ZNF248: variants seen among roughly 807,000 people sequenced by gnomAD.
The protein encoded by ZNF248 is KRAB protein domain.
Under a neutral mutation model 44.3 loss-of-function variants are expected in ZNF248, and 20 were observed. That is an observed-to-expected ratio of 0.45 (90% CI 0.32 to 0.66). The LOEUF is 0.66. Ranked by LOEUF, ZNF248 falls within the 30% of genes least tolerant of loss-of-function variation. The pLI is 0.04. For synonymous variants in ZNF248, 224 were observed against 229.0 expected (o/e 0.98, Z 0.20); for missense variants, 654 against 677.0 (o/e 0.97, Z 0.38).
At chr10:37,759,443 C>T in the ZNF248 span, among the ~76,000 whole-genome samples, 1 of 152,124 alleles carries the variant, frequency 6.6e-6, no homozygotes, top group Non-Finnish European at 1.5e-5. Context: ...TTATGAAACC[C>T]CTTAATGTGT....
chr10:37,819,259 G>C, intron 6 of ZNF248: 1 of 883,360 alleles, frequency 1.1e-6, no homozygotes, highest in Non-Finnish European at 1.9e-6. Flanking sequence ...GTTTCAGATA[G>C]AAGTTTAGAT....
chr10:37,771,581 A>C (rs2046229882), downstream of ZNF248, among the ~76,000 whole-genome samples: 1 of 143,746 alleles, frequency 7.0e-6, no homozygotes, highest in African/African-American at 2.5e-5. Context: ...CAATGAGAAC[A>C]CATGGACACA....
chr10:37,806,521 T>G (rs951245298), intron 6 of ZNF248, among the ~76,000 whole-genome samples: 7 of 152,182 alleles, frequency 4.6e-5, no homozygotes, highest in African/African-American at 1.7e-4. Flanking sequence ...CATATGCTTA[T>G]GGGCCATCTG....
chr10:37,775,246 T>A (rs1194192853), downstream of ZNF248: 3 of 152,204 alleles, frequency 2.0e-5, no homozygotes, highest in Non-Finnish European at 4.4e-5. Flanking sequence ...TTTTCCCTAT[T>A]TTAGATCTGT....
chr10:37,781,397 A>AT (rs1348167569), intron 6 of ZNF248, among the ~76,000 whole-genome samples: 1 of 152,188 alleles, frequency 6.6e-6, no homozygotes, highest in Non-Finnish European at 1.5e-5. Flanking sequence ...GCTGTTACCC[A>AT]TAAGTCAGTG....
At chr10:37,833,396 A>C (rs1589658194) in intron 5 of ZNF248, among the ~76,000 whole-genome samples, 1 of 152,208 alleles carries the variant, frequency 6.6e-6, no homozygotes. Flanking sequence ...AATAAAATTC[A>C]CAGCACAGGG....
intron 6 of ZNF248, chr10:37,820,567 T>G: frequency 6.2e-7 from 1 of 1,601,686 alleles, no homozygotes; most frequent in Non-Finnish European, 8.5e-7. Flanking sequence ...CTGGCCCGCT[T>G]CCCCCAGCAA....
At chr10:37,825,368 G>A (rs1189245813), downstream of ZNF248, among the ~76,000 whole-genome samples, 1 of 152,086 alleles carries the variant, frequency 6.6e-6, no homozygotes, top group Non-Finnish European at 1.5e-5. Context: ...TGTTATATTA[G>A]TAAGGTTGGA....
At chr10:37,823,179 C>G (rs1315665535) in intron 6 of ZNF248, among the ~76,000 whole-genome samples, 1 of 151,350 alleles carries the variant, frequency 6.6e-6, no homozygotes, top group Admixed American at 6.6e-5. Flanking sequence ...ACTAAAAATA[C>G]AAAAATTAGC....
At chr10:37,824,368 T>C (rs1053776820), downstream of ZNF248, among the ~76,000 whole-genome samples, 1 of 152,130 alleles carries the variant, frequency 6.6e-6, no homozygotes, top group Admixed American at 6.6e-5. Context: ...CTCACAGATA[T>C]ACCGAGAAGA....
In ZNF248 at chr10:37,832,946, A is replaced by G; in HGVS notation, c.409T>C (p.Tyr137His). ...TDPVSLRNYP[Y>H]KICDSCEMNL... ...ATTTCACATGAGTCACATATTTTAT[A>G]GGGATAATTTCTTAAAGAAACAGGG... is the stretch of plus-strand genomic sequence containing the variant. The change falls in exon 6 of 6, where the codon TAT becomes CAT. Residue 137 changes from tyrosine to histidine, a missense_variant. Transcript: ENST00000395867. 1.2e-6 allele frequency: 2 copies of G among 1,613,472 alleles called. No homozygotes were observed. The highest frequency in any genetic ancestry group is 2.2e-5 in the East Asian group (1 of 44,832).
chr10:37,817,994 C>T (rs1743813), intron 6 of ZNF248, among the ~76,000 whole-genome samples: 9,117 of 152,196 alleles, frequency 0.06, 355 homozygotes, highest in Middle Eastern at 0.096. Flanking sequence ...CGGCTCACTG[C>T]AAGCTCCGCC....
chr10:37,822,042 C>T (rs752491536), intron 6 of ZNF248, among the ~76,000 whole-genome samples: 1 of 152,196 alleles, frequency 6.6e-6, no homozygotes, highest in East Asian at 1.9e-4. Flanking sequence ...AGGGGCTATG[C>T]CTTCCCCTCC....
At position 37,831,398 on chromosome 10, in the gene ZNF248, A is replaced by C; in HGVS notation, c.*217T>G. The C allele has an allele frequency of 6.6e-7, 1 of 1,524,278 alleles. No individual in the cohort carries two copies. 94.4% of individuals were successfully genotyped at this position (1,524,278 alleles called of 1,614,324 possible). A position where few individuals can be genotyped will look rare whatever the true frequency, so the allele number is the denominator to read the frequency against. On this transcript the variant is annotated 3_prime_UTR_variant, in exon 6 of 6. Coordinates refer to ENST00000395867, the MANE Select transcript of ZNF248 (RefSeq NM_021045.3). ...CGTCTGGAATATAACACTAAACAAC[A>C]TAAATTCCAGATAAATATTTTCACC...
At chr10:37,844,481 T>C (rs1461807354) in intron 3 of ZNF248, among the ~76,000 whole-genome samples, 1 of 152,226 alleles carries the variant, frequency 6.6e-6, no homozygotes, top group Non-Finnish European at 1.5e-5. Context: ...AATTTGTAGT[T>C]TGTAACTCCA....
chr10:37,801,375 CA>C (rs1319230111), intron 6 of ZNF248, among the ~76,000 whole-genome samples: 4 of 143,264 alleles, frequency 2.8e-5, no homozygotes, highest in South Asian at 2.2e-4. Context: ...GACTCCGTCT[CA>C]AAAAAAAAAC....
At chr10:37,851,768 CAAAAAAA>C (rs57501241) in intron 3 of ZNF248, among the ~76,000 whole-genome samples, 2 of 32,058 alleles carry the variant, frequency 6.2e-5, no homozygotes, top group East Asian at 1.2e-3. Flanking sequence ...TCAGAATGAC[CAAAAAAA>C]AAAAAAAAAA....
intron 6 of ZNF248, chr10:37,819,873 T>A: frequency 1.3e-6 from 1 of 780,372 alleles, no homozygotes; most frequent in Non-Finnish European, 2.4e-6. Flanking sequence ...AATTTATCCT[T>A]TTCTGATGCT....
intron 6 of ZNF248, among the ~76,000 whole-genome samples, chr10:37,793,359 C>T (rs187349499): frequency 2.0e-5 from 3 of 152,084 alleles, no homozygotes; most frequent in African/African-American, 7.2e-5. Context: ...AAAAATAAAA[C>T]TTTTATTTCA....
Sources: allele counts gnomAD v4.1 joint callset (sites outside exome capture counted in the v4.1 genomes callset), GRCh38; gene constraint gnomAD v4.1.1; transcripts MANE v1.5; gene names NCBI Gene and HGNC (gene_info 2026-07-23, HGNC 2026-07-21).